The following L3MBTL4 variants were observed in gnomAD, a reference collection of about 807,000 sequenced individuals.
L3MBTL4 encodes the protein L3MBTL histone methyl-lysine binding protein 4, also known as lethal(3)malignant brain tumor-like protein 4.
Under a neutral mutation model 84.5 loss-of-function variants are expected in L3MBTL4, and 70 were observed. The observed-to-expected ratio is 0.83, with a 90% confidence interval of 0.68 to 1.01. The LOEUF is 1.01. Ranked by LOEUF, L3MBTL4 falls within the 50% of genes least tolerant of loss-of-function variation. The pLI is 0.00. For synonymous variants in L3MBTL4, 274 were observed against 259.8 expected (o/e 1.05, Z -0.52); for missense variants, 715 against 754.8 (o/e 0.95, Z 0.62).
chr18:6,390,356 C>T (rs971006135), intron 1 of L3MBTL4, among the ~76,000 whole-genome samples: 4 of 152,046 alleles, frequency 2.6e-5, no homozygotes, highest in Non-Finnish European at 5.9e-5. Flanking sequence ...GTTTACAATG[C>T]TAATTGCCAA....
At chr18:6,288,945 T>C (rs1024039537) in intron 4 of L3MBTL4, among the ~76,000 whole-genome samples, 1 of 151,828 alleles carries the variant, frequency 6.6e-6, no homozygotes, top group Non-Finnish European at 1.5e-5. Context: ...GCTGAATAAA[T>C]ATAAGTCCCT....
intron 1 of L3MBTL4, among the ~76,000 whole-genome samples, chr18:6,341,399 A>C (rs2052603063): frequency 2.0e-5 from 3 of 152,126 alleles, no homozygotes; most frequent in Non-Finnish European, 4.4e-5. Context: ...GAAACAATGC[A>C]TATGTGAAGT....
intron 10 of L3MBTL4, among the ~76,000 whole-genome samples, chr18:6,220,066 A>G (rs922108523): frequency 2.0e-5 from 3 of 152,176 alleles, no homozygotes; most frequent in African/African-American, 7.2e-5. Flanking sequence ...AATAAAAATA[A>G]AAAGAAGAAA....
intron 10 of L3MBTL4, among the ~76,000 whole-genome samples, chr18:6,230,682 G>A (rs1022537059): frequency 6.6e-6 from 1 of 152,094 alleles, no homozygotes; most frequent in Non-Finnish European, 1.5e-5. Context: ...TTTCCACAAT[G>A]GCTGAACTAA....
intron 1 of L3MBTL4, among the ~76,000 whole-genome samples, chr18:6,398,307 G>A (rs2055360682): frequency 6.6e-6 from 1 of 152,182 alleles, no homozygotes; most frequent in South Asian, 2.1e-4. Context: ...ACAGAAAAGG[G>A]AGAAGTGGCT....
intron 13 of L3MBTL4, among the ~76,000 whole-genome samples, chr18:6,151,049 C>A (rs1216488914): frequency 1.3e-5 from 2 of 152,112 alleles, no homozygotes; most frequent in Non-Finnish European, 2.9e-5. Context: ...ACCAGGAGAG[C>A]CTGGGAGTCT....
chr18:6,030,219 G>A, intron 16 of L3MBTL4: 3 of 889,404 alleles, frequency 3.4e-6, no homozygotes, highest in South Asian at 1.0e-4. Context: ...TTCCAAGGGA[G>A]GAAACTGAAG....
intron 12 of L3MBTL4, among the ~76,000 whole-genome samples, chr18:6,186,776 G>C (rs2044789461): frequency 6.6e-6 from 1 of 152,206 alleles, no homozygotes; most frequent in South Asian, 2.1e-4. Context: ...CGCACTGAGG[G>C]TGTTTGCCCA....
chr18:6,324,290 G>C (rs2051594242), intron 1 of L3MBTL4, among the ~76,000 whole-genome samples: 1 of 152,204 alleles, frequency 6.6e-6, no homozygotes, highest in Admixed American at 6.5e-5. Flanking sequence ...GGGGTTGGAG[G>C]TCTCACAGAG....
intron 10 of L3MBTL4, among the ~76,000 whole-genome samples, chr18:6,229,558 A>G (rs764811814): frequency 1.3e-4 from 20 of 152,136 alleles, no homozygotes; most frequent in Admixed American, 8.5e-4. Context: ...GCCAAATCCA[A>G]TGTCATGAAG....
intron 16 of L3MBTL4, among the ~76,000 whole-genome samples, chr18:5,974,974 T>A (rs1042757847): frequency 1.4e-5 from 2 of 147,296 alleles, no homozygotes; most frequent in Non-Finnish European, 3.0e-5. Context: ...TTGTTTTGTT[T>A]TTTTTTTTTA....
chr18:6,391,318 T>C (rs1337023699), intron 1 of L3MBTL4, among the ~76,000 whole-genome samples: 2 of 151,984 alleles, frequency 1.3e-5, no homozygotes, highest in Non-Finnish European at 2.9e-5. Context: ...AAACTAGGCA[T>C]AGAAGAGATT....
At chr18:6,289,163 A>G (rs546993843) in intron 4 of L3MBTL4, among the ~76,000 whole-genome samples, 14 of 152,256 alleles carry the variant, frequency 9.2e-5, no homozygotes, top group East Asian at 1.9e-4. Context: ...ATAAAGGTCT[A>G]AACAAGTTTA....
intron 1 of L3MBTL4, chr18:6,356,700 A>C (rs1243700882): frequency 1.3e-5 from 2 of 152,248 alleles, no homozygotes; most frequent in African/African-American, 4.8e-5. Context: ...TGGAGCTTGC[A>C]GTACTGGGAG....
At chr18:6,172,734 AAAATAATT>A (rs2044037133) in intron 12 of L3MBTL4, among the ~76,000 whole-genome samples, 1 of 152,200 alleles carries the variant, frequency 6.6e-6, no homozygotes, top group African/African-American at 2.4e-5. Flanking sequence ...TTATTTCTTA[AAAATAATT>A]ATTTCTTTTA....
intron 1 of L3MBTL4, among the ~76,000 whole-genome samples, chr18:6,341,109 C>T (rs1307774086): frequency 1.3e-5 from 2 of 152,082 alleles, no homozygotes; most frequent in Admixed American, 1.3e-4. Flanking sequence ...TCACCAGTGA[C>T]AAGCTCACTG....
chr18:6,013,431 C>T (rs182889139), intron 16 of L3MBTL4, among the ~76,000 whole-genome samples: 3 of 152,262 alleles, frequency 2.0e-5, no homozygotes, highest in Admixed American at 2.0e-4. Flanking sequence ...TTAAATACTT[C>T]CTTCACTTTT....
chr18:6,315,030 T>C (rs138295291), intron 1 of L3MBTL4, among the ~76,000 whole-genome samples: 2 of 152,260 alleles, frequency 1.3e-5, no homozygotes, highest in African/African-American at 4.8e-5. Flanking sequence ...ATAAATCATA[T>C]TGGTACCATA....
At chr18:6,193,122 C>A (rs774382244) in intron 12 of L3MBTL4, among the ~76,000 whole-genome samples, 2 of 151,794 alleles carry the variant, frequency 1.3e-5, no homozygotes, top group Non-Finnish European at 2.9e-5. Context: ...TAATGGCCCA[C>A]AACAGGGGTC....
Sources: allele counts gnomAD v4.1 joint callset (sites outside exome capture counted in the v4.1 genomes callset), GRCh38; gene constraint gnomAD v4.1.1; transcripts MANE v1.5; gene names NCBI Gene and HGNC (gene_info 2026-07-23, HGNC 2026-07-21).